PCDHGB3: variants seen among roughly 807,000 people sequenced by gnomAD.
The protein encoded by PCDHGB3 is protocadherin gamma-B3.
In PCDHGB3, 40 loss-of-function variants were observed where a neutral mutation model predicts 59.2. The ratio of observed to expected loss-of-function variants is 0.68; its 90% CI spans 0.52 to 0.88. The LOEUF is 0.88. Ranked by LOEUF, PCDHGB3 falls within the 40% of genes least tolerant of loss-of-function variation. PCDHGB3 has a pLI of 0.00. For missense variants in PCDHGB3, 1,309 were observed against 1,187.9 expected, an observed-to-expected ratio of 1.10 and a Z score of -1.50; for synonymous variants, 581 against 503.6, an observed-to-expected ratio of 1.15 and a Z score of -2.06.
At chr5:141,418,013 A>G (rs769578436) in intron 1 of PCDHGB3, 45 of 1,613,788 alleles carry the variant, frequency 2.8e-5, no homozygotes, top group African/African-American at 4.0e-5. Flanking sequence ...GAACCTCGCT[A>G]AGGATCTAGG....
intron 1 of PCDHGB3, among the ~76,000 whole-genome samples, chr5:141,473,706 G>C (rs1241009670): frequency 6.6e-6 from 1 of 152,186 alleles, no homozygotes; most frequent in African/African-American, 2.4e-5. Context: ...CCTCCAAGTG[G>C]TGCAATGGAA....
chr5:141,405,376 G>A lies in PCDHGB3; in HGVS notation c.2415+32567G>A, dbSNP rs567557596. On this transcript the variant is annotated intron_variant, in intron 1 of 3. Coordinates refer to ENST00000576222, the MANE Select transcript of PCDHGB3 (RefSeq NM_018924.5). The stretch of plus-strand genomic sequence containing the variant: ...CTATAGAAGACACCCCTTTGGTTCC[G>A]GTGAGTTCATTTTTTTTCTTTCTTT... The A allele has an allele frequency of 4.3e-4, 696 of 1,602,156 alleles. 3 individuals carry two copies. In the South Asian group the frequency reaches 6.8e-3, roughly 16 times the overall value.
intron 1 of PCDHGB3, among the ~76,000 whole-genome samples, chr5:141,444,000 A>T (rs2098413157): frequency 6.6e-6 from 1 of 152,070 alleles, no homozygotes; most frequent in African/African-American, 2.4e-5. Context: ...TTTAAATGCT[A>T]CCTGGGTATT....
chr5:141,469,756 A>G (rs2099210350), intron 1 of PCDHGB3, among the ~76,000 whole-genome samples: 1 of 152,252 alleles, frequency 6.6e-6, no homozygotes. Context: ...ACAAAAATAC[A>G]TATATACCAG....
chr5:141,396,042 A>G (rs2093337325), intron 1 of PCDHGB3: 2 of 152,260 alleles, frequency 1.3e-5, no homozygotes, highest in Non-Finnish European at 2.9e-5. Context: ...ACATATTTCA[A>G]TACAATTCCA....
rs545147450 is a variant in PCDHGB3 at position 141,380,989 on chromosome 5, A to C, written c.2415+8180A>C. On this transcript the variant is annotated intron_variant, in intron 1 of 3. Transcript: ENST00000576222. ...TATTAAACAAATAGAATTTAACTCC[A>C]GTTTACAGAATTCATCTATAATACC... is the stretch of plus-strand genomic sequence containing the variant. Among the ~76,000 whole-genome samples, 4 of 152,258 alleles carry C rather than the reference A, an allele frequency of 2.6e-5. No homozygotes were observed. In the South Asian group the frequency reaches 8.3e-4, roughly 32 times the overall value.
At chr5:141,393,821 G>T (rs2240700) in intron 1 of PCDHGB3, 228,339 of 1,613,716 alleles carry the variant, frequency 0.14, 18,414 homozygotes, top group African/African-American at 0.32. Context: ...TGCTCATTTC[G>T]GTGGAAGATG....
At chr5:141,375,155 G>T in intron 1 of PCDHGB3, 1 of 1,613,962 alleles carries the variant, frequency 6.2e-7, no homozygotes, top group South Asian at 1.1e-5. Context: ...AACAATTGCT[G>T]AAAGTGCACC....
chr5:141,452,172 T>G (rs1338447268), intron 1 of PCDHGB3, among the ~76,000 whole-genome samples: 1 of 152,206 alleles, frequency 6.6e-6, no homozygotes, highest in Non-Finnish European at 1.5e-5. Flanking sequence ...TTACTAACAT[T>G]TTTTATTTTG....
Position 141,372,231 on chromosome 5 carries a change from G to A in PCDHGB3, c.1837G>A (p.Glu613Lys). ...GTCCTACCACATTGTGCAGGCCAGC[G>A]AGCCCGGGCTGTTCAGCCTGGGCCT... is the stretch of plus-strand genomic sequence containing the variant. ...WLSYHIVQAS[E>K]PGLFSLGLRT... The change falls in exon 1 of 4, where the codon GAG becomes AAG. Residue 613 changes from glutamate (E) to lysine (K), a missense_variant. Transcript: ENST00000576222. 1.2e-6 allele frequency: 2 copies of A among 1,613,374 alleles called. No homozygotes were observed. The highest frequency in any genetic ancestry group is 8.5e-7 in the Non-Finnish European group (1 of 1,179,838).
intron 1 of PCDHGB3, among the ~76,000 whole-genome samples, chr5:141,380,845 A>G (rs1215311097): frequency 6.6e-6 from 1 of 152,272 alleles, no homozygotes; most frequent in Admixed American, 6.5e-5. Context: ...GTAAAAATGG[A>G]TCAAGACATT....
At chr5:141,421,565 A>G (rs1373619696) in intron 1 of PCDHGB3, 1 of 1,613,952 alleles carries the variant, frequency 6.2e-7, no homozygotes, top group Admixed American at 1.7e-5. Context: ...CTCGTGGAAG[A>G]CACCTTGAAG....
At position 141,491,942 on chromosome 5, in the gene PCDHGB3, C is replaced by T. The variant is rs932715298; in HGVS notation, c.2416-2865C>T. 6.4e-5 allele frequency: 72 copies of T among 1,122,376 alleles called. No individual in the cohort carries two copies. Among genetic ancestry groups the T allele is most frequent in the Admixed American group, 3.5e-5 (1 of 28,738 alleles). 69.5% of individuals were successfully genotyped at this position (1,122,376 alleles called of 1,614,324 possible). A position where few individuals can be genotyped will look rare whatever the true frequency, so the allele number is the denominator to read the frequency against. ...GGCGAGGGGAGGTGGGACCGACCCC[C>T]ACCCCTACACTCAAAAAAGGCCGGG... is the stretch of plus-strand genomic sequence containing the variant. On this transcript the variant is annotated intron_variant, in intron 1 of 3. Transcript: ENST00000576222. The surrounding 1 kb of genome is among the most constrained non-coding windows in gnomAD (Gnocchi z 6.9).
At chr5:141,428,008 T>C (rs2097099623) in intron 1 of PCDHGB3, 4 of 1,601,848 alleles carry the variant, frequency 2.5e-6, no homozygotes, top group Admixed American at 3.3e-5. Context: ...CTCTTCGATA[T>C]AGTGCCACGC....
chr5:141,436,519 C>A (rs770168763), intron 1 of PCDHGB3, among the ~76,000 whole-genome samples: 2 of 152,140 alleles, frequency 1.3e-5, no homozygotes, highest in African/African-American at 2.4e-5. Context: ...TTAACTGTGT[C>A]ACCTTTAGCA....
intron 1 of PCDHGB3, among the ~76,000 whole-genome samples, chr5:141,437,415 G>A: frequency 6.6e-6 from 1 of 152,162 alleles, no homozygotes; most frequent in Non-Finnish European, 1.5e-5. Context: ...GAAGTATTAT[G>A]CTTTTTGAAG....
At position 141,491,733 on chromosome 5, in the gene PCDHGB3, TGGGGGCGGCAC is replaced by T; in HGVS notation, c.2416-3073_2416-3063del. 1.9e-6 allele frequency: 3 copies of T among 1,602,698 alleles called. No individual in the cohort carries two copies. The highest frequency in any genetic ancestry group is 2.6e-6 in the Non-Finnish European group (3 of 1,175,258). On this transcript the variant is annotated intron_variant, in intron 1 of 3. Coordinates refer to ENST00000576222, the MANE Select transcript of PCDHGB3 (RefSeq NM_018924.5). The surrounding 1 kb of genome is among the most constrained non-coding windows in gnomAD (Gnocchi z 6.9). ...GCTCGGCGCCGCCCCGGGCGACCCC[TGGGGGCGGCAC>T]TGGAGAAGCCGCCCGTCCTCATAAG...
In PCDHGB3 at chr5:141,421,591, G is replaced by A. The variant is rs1273484124; in HGVS notation, c.2415+48782G>A. The A allele has an allele frequency of 1.9e-6, 3 of 1,613,756 alleles. No homozygotes were observed. In the Admixed American group the frequency reaches 5.0e-5, roughly 27 times the overall value. ...CACCTTGAAGATTTACGGAGTGGAG[G>A]TGGAAATAATAGATATTAATGATAA... is the stretch of plus-strand genomic sequence containing the variant. On this transcript the variant is annotated intron_variant, in intron 1 of 3. Transcript: ENST00000576222.
intron 1 of PCDHGB3, chr5:141,415,230 A>G (rs1222982593): frequency 6.2e-7 from 1 of 1,614,050 alleles, no homozygotes; most frequent in Non-Finnish European, 8.5e-7. Context: ...TCGAGTCTCC[A>G]GCTAACTCTG....
Sources: allele counts gnomAD v4.1 joint callset (sites outside exome capture counted in the v4.1 genomes callset), GRCh38; gene constraint gnomAD v4.1.1; non-coding constraint Gnocchi (gnomAD v3.1); transcripts MANE v1.5; gene names NCBI Gene and HGNC (gene_info 2026-07-23, HGNC 2026-07-21).